Variants in AKT3 observed in about 807,000 individuals in gnomAD.
AKT3 encodes the protein AKT serine/threonine kinase 3, also known as RAC-gamma serine/threonine-protein kinase.
Under a neutral mutation model 65.3 loss-of-function variants are expected in AKT3, and 15 were observed. That is an observed-to-expected ratio of 0.23 (90% CI 0.15 to 0.35). AKT3 has a LOEUF of 0.35. Among genes scored for constraint, AKT3 ranks in the 10% least tolerant of loss-of-function variants. AKT3 has a pLI of 1.00. For missense variants in AKT3, 243 were observed against 576.5 expected (o/e 0.42, Z 5.92); for synonymous variants, 206 against 183.8 (o/e 1.12, Z -0.98).
At chr1:243,663,223 A>G (rs1485386731) in intron 4 of AKT3, among the ~76,000 whole-genome samples, 1 of 152,260 alleles carries the variant, frequency 6.6e-6, no homozygotes, top group Non-Finnish European at 1.5e-5. Context: ...TAGAAAAGGT[A>G]CAAAGAAAAA....
intron 2 of AKT3, among the ~76,000 whole-genome samples, chr1:243,795,475 G>GTTTTTTTTT (rs369512939): frequency 2.3e-5 from 2 of 88,016 alleles, no homozygotes; most frequent in Non-Finnish European, 3.8e-5. Flanking sequence ...TTTTTTTTTT[G>GTTTTTTTTT]GTTTTTTTTT....
At chr1:243,681,112 TG>T in intron 3 of AKT3, among the ~76,000 whole-genome samples, 1 of 152,288 alleles carries the variant, frequency 6.6e-6, no homozygotes, top group East Asian at 1.9e-4. Context: ...GCTCCATCTC[TG>T]AAAGAATTCC....
chr1:243,576,171 A>G (rs117183265), intron 8 of AKT3, among the ~76,000 whole-genome samples: 4 of 152,158 alleles, frequency 2.6e-5, no homozygotes, highest in African/African-American at 9.7e-5. Flanking sequence ...AAAGGCCTTC[A>G]AAAAAATTCA....
intron 4 of AKT3, among the ~76,000 whole-genome samples, chr1:243,651,187 G>A (rs320338): frequency 0.83 from 126,408 of 152,068 alleles, 52,692 homozygotes; most frequent in Non-Finnish European, 0.86. Context: ...TTCACTCATG[G>A]TTTGGCTGTT....
chr1:243,718,856 T>C (rs867818712), intron 2 of AKT3, among the ~76,000 whole-genome samples: 2 of 152,222 alleles, frequency 1.3e-5, no homozygotes, highest in Admixed American at 6.5e-5. Flanking sequence ...ATATTTTGCA[T>C]GTCCAAAACA....
intron 2 of AKT3, among the ~76,000 whole-genome samples, chr1:243,782,794 A>G (rs1690996565): frequency 6.6e-6 from 1 of 152,156 alleles, no homozygotes. Flanking sequence ...GCATGCACAC[A>G]TACACACCCC....
intron 5 of AKT3, among the ~76,000 whole-genome samples, chr1:243,640,926 T>C (rs187066649): frequency 1.8e-4 from 28 of 152,262 alleles, no homozygotes; most frequent in African/African-American, 6.7e-4. Flanking sequence ...GGTGTATCTG[T>C]GAGGGTGTTG....
intron 3 of AKT3, among the ~76,000 whole-genome samples, chr1:243,681,884 CAAAT>C (rs969465167): frequency 4.6e-4 from 70 of 152,092 alleles, no homozygotes; most frequent in African/African-American, 1.7e-3. Flanking sequence ...TGCAATTACA[CAAAT>C]AAAACACCTT....
intron 2 of AKT3, among the ~76,000 whole-genome samples, chr1:243,778,098 C>G (rs562138332): frequency 1.3e-5 from 2 of 152,284 alleles, no homozygotes; most frequent in South Asian, 4.1e-4. Context: ...TTAGTACACT[C>G]TCTCTTATGT....
chr1:243,669,352 C>T (rs1246039692), intron 3 of AKT3, among the ~76,000 whole-genome samples: 5 of 152,106 alleles, frequency 3.3e-5, no homozygotes, highest in East Asian at 3.9e-4. Flanking sequence ...AAATGAGGGG[C>T]GTGCCCAAGA....
chr1:243,529,660 T>C (rs998552010), intron 12 of AKT3, among the ~76,000 whole-genome samples: 6 of 152,244 alleles, frequency 3.9e-5, no homozygotes, highest in African/African-American at 1.2e-4. Context: ...GTGTCTGTTT[T>C]TGTACCATTA....
intron 3 of AKT3, among the ~76,000 whole-genome samples, chr1:243,680,789 G>A (rs188156169): frequency 5.3e-5 from 8 of 152,210 alleles, no homozygotes; most frequent in Admixed American, 4.6e-4. Flanking sequence ...CTATGACTTA[G>A]TTGGAAAAGC....
intron 2 of AKT3, among the ~76,000 whole-genome samples, chr1:243,790,467 G>A (rs1691550816): frequency 1.3e-5 from 2 of 152,128 alleles, no homozygotes; most frequent in Admixed American, 6.5e-5. Context: ...GAGAGTTAGG[G>A]CCTGCCTCTG....
intron 1 of AKT3, chr1:243,843,580 T>G: frequency 2.9e-6 from 3 of 1,017,914 alleles, no homozygotes; most frequent in Non-Finnish European, 3.5e-6. Context: ...TGATGTGTAT[T>G]TGAGGTGAAG....
At chr1:243,582,372 C>T (rs1675429019) in intron 8 of AKT3, among the ~76,000 whole-genome samples, 1 of 146,758 alleles carries the variant, frequency 6.8e-6, no homozygotes, top group African/African-American at 2.5e-5. Flanking sequence ...GAGGGAATGT[C>T]ATCAGGCCAA....
chr1:243,657,945 A>G (rs1362799461), intron 4 of AKT3, among the ~76,000 whole-genome samples: 1 of 152,166 alleles, frequency 6.6e-6, no homozygotes, highest in Non-Finnish European at 1.5e-5. Flanking sequence ...ACAAAAGTGG[A>G]GCCTTATTTT....
chr1:243,692,534 A>C (rs1434178656), intron 3 of AKT3, among the ~76,000 whole-genome samples: 1 of 151,104 alleles, frequency 6.6e-6, no homozygotes, highest in Non-Finnish European at 1.5e-5. Context: ...CGAGTTTGAG[A>C]CCAGCCTGGC....
intron 3 of AKT3, among the ~76,000 whole-genome samples, chr1:243,672,995 T>C (rs1303516525): frequency 6.6e-6 from 1 of 152,220 alleles, no homozygotes; most frequent in Non-Finnish European, 1.5e-5. Context: ...AAAAGAATTA[T>C]AAGAGGCATG....
chr1:243,492,591 A>T, intron 13 of AKT3, among the ~76,000 whole-genome samples: 1 of 134,526 alleles, frequency 7.4e-6, no homozygotes. Flanking sequence ...GGCGTGAGCC[A>T]CTGCGCCCAG....
Sources: gnomAD v4.1 joint callset for allele counts (sites outside exome capture counted in the v4.1 genomes callset) on GRCh38, gnomAD v4.1.1 for gene constraint, MANE v1.5 for transcripts, NCBI Gene and HGNC (gene_info 2026-07-23, HGNC 2026-07-21) for gene names.